The following PTDSS2 variants were observed in gnomAD, a reference collection of about 807,000 sequenced individuals.
PTDSS2 encodes the protein phosphatidylserine synthase 2, also known as PSS-2.
In PTDSS2, 41 loss-of-function variants were observed where a neutral mutation model predicts 64.7. That is an observed-to-expected ratio of 0.63 (90% CI 0.49 to 0.82). The LOEUF (loss-of-function observed/expected upper bound fraction) is 0.82, where lower values mean the gene tolerates loss of function less well. PTDSS2 is among the 40% of genes least tolerant of loss of function. The pLI, the probability that PTDSS2 is intolerant of heterozygous loss-of-function variation, is 0.00. For missense variants in PTDSS2, 485 were observed against 650.0 expected, an observed-to-expected ratio of 0.75 and a Z score of 2.76; for synonymous variants, 297 against 277.8, an observed-to-expected ratio of 1.07 and a Z score of -0.69.
intron 1 of PTDSS2, chr11:459,588 G>T (rs530568234): frequency 6.5e-6 from 1 of 153,190 alleles, no homozygotes; most frequent in Non-Finnish European, 1.5e-5. Context: ...TAGGCTGGTT[G>T]TGGGCTTTTC....
At position 460,243 on chromosome 11, in the gene PTDSS2, C is replaced by T. The variant is rs1215511415; in HGVS notation, c.239C>T (p.Thr80Met). 3.1e-6 allele frequency: 5 copies of T among 1,614,202 alleles called. No homozygotes were observed. Among genetic ancestry groups the T allele is most frequent in the Non-Finnish European group, 4.2e-6 (5 of 1,180,028 alleles). ...CTCACCTGTACGCTTGGCTATGTGA[C>T]GCTGCTGGAGGAAACACCTCAGGAC... ...FILTCTLGYV[T>M]LLEETPQDTA... Residue 80 changes from threonine (T) to methionine (M), a missense_variant, in exon 2 of 12, where the codon ACG becomes ATG. Physicochemically the swap from Thr to Met is moderately conservative, Grantham distance 81. Around this residue, in one of 3 missense-constraint regions of PTDSS2, gnomAD observed 251 missense variants for 348.0 expected, o/e 0.72. Coordinates refer to ENST00000308020, the MANE Select transcript of PTDSS2 (RefSeq NM_030783.3). The surrounding 1 kb of genome is among the most constrained non-coding windows in gnomAD (Gnocchi z 5.8).
chr11:470,030 C>G lies in PTDSS2; in HGVS notation c.285-3865C>G, dbSNP rs1268737794. On this transcript the variant is annotated intron_variant, in intron 2 of 11. Transcript: ENST00000308020. This position sits in a 1 kb window ranked among gnomAD's most constrained non-coding sequence, Gnocchi z 5.3. Reference sequence around the variant, plus strand: ...GAGTAAATAAACAGAGGGAACAAGACCAACCTTCCCTGCAGAAGGTTTTCA... The same window carrying G: ...GAGTAAATAAACAGAGGGAACAAGAGCAACCTTCCCTGCAGAAGGTTTTCA... Among the ~76,000 whole-genome samples the G allele has an allele frequency of 1.3e-5, 2 of 152,230 alleles. No individual in the cohort carries two copies. Among genetic ancestry groups the G allele is most frequent in the African/African-American group, 4.8e-5 (2 of 41,456 alleles).
At chr11:451,973 T>C (rs1225320275) in intron 1 of PTDSS2, among the ~76,000 whole-genome samples, 1 of 152,160 alleles carries the variant, frequency 6.6e-6, no homozygotes, top group Non-Finnish European at 1.5e-5. Flanking sequence ...TTCCGGGCCC[T>C]GTGGACATCA....
At chr11:488,679 G>A (rs771231523) in intron 8 of PTDSS2, 32 bp downstream of exon 8, 1 of 1,519,946 alleles carries the variant, frequency 6.6e-7, no homozygotes, top group Admixed American at 1.7e-5. Context: ...GGCAGGGCCG[G>A]GTGGGGGTTA....
chr11:489,863 AC>A lies in PTDSS2; in HGVS notation c.1116-15del. 6.4e-7 allele frequency: 1 copy of A among 1,564,698 alleles called. No homozygotes were observed. ...GACCCTGCGGGGCCCGGGACGCTGA[AC>A]CCCCTGCTGCCCCTGCAGGAAGCCC... is the stretch of plus-strand genomic sequence containing the variant. On this transcript the variant is annotated intron_variant, in intron 10 of 11. Transcript: ENST00000308020.
intron 2 of PTDSS2, among the ~76,000 whole-genome samples, chr11:465,536 C>T (rs1356084723): frequency 6.6e-6 from 1 of 152,168 alleles, no homozygotes; most frequent in African/African-American, 2.4e-5. Flanking sequence ...GGAGAAATCA[C>T]AGGAGAAAGT....
At chr11:467,621 G>A (rs544469989) in intron 2 of PTDSS2, among the ~76,000 whole-genome samples, 2 of 151,896 alleles carry the variant, frequency 1.3e-5, no homozygotes, top group Non-Finnish European at 2.9e-5. Context: ...GCCTGGCATG[G>A]TGGCAGGCAC....
intron 2 of PTDSS2, among the ~76,000 whole-genome samples, chr11:469,647 A>G (rs1480685740): frequency 1.3e-5 from 2 of 152,092 alleles, no homozygotes; most frequent in Non-Finnish European, 2.9e-5. Context: ...GCAGTGGTTA[A>G]TGGATACACA....
chr11:453,622 C>G (rs1432508581), intron 1 of PTDSS2, among the ~76,000 whole-genome samples: 1 of 152,246 alleles, frequency 6.6e-6, no homozygotes, highest in East Asian at 1.9e-4. Context: ...TTGCCTACAC[C>G]TGGGAGGCGC....
intron 4 of PTDSS2, among the ~76,000 whole-genome samples, chr11:481,530 A>G (rs536875186): frequency 1.3e-5 from 2 of 152,286 alleles, no homozygotes; most frequent in South Asian, 4.1e-4. Context: ...TCTTCCAACA[A>G]TGTGTTACAG....
chr11:466,556 C>T (rs1429462956), intron 2 of PTDSS2, among the ~76,000 whole-genome samples: 4 of 151,870 alleles, frequency 2.6e-5, no homozygotes, highest in South Asian at 4.2e-4. Context: ...TACAGGCATG[C>T]GCCACCTCGC....
chr11:484,822 G>A (rs1481308452), intron 4 of PTDSS2, among the ~76,000 whole-genome samples: 4 of 134,148 alleles, frequency 3.0e-5, no homozygotes, highest in Non-Finnish European at 4.8e-5. Context: ...TGTGCTCACC[G>A]TGTGCGCAGG....
At chr11:490,117 G>A in intron 11 of PTDSS2, 49 bp downstream of exon 11, 1 of 1,543,258 alleles carries the variant, frequency 6.5e-7, no homozygotes, top group Non-Finnish European at 8.8e-7. Context: ...CGCTGTCCGG[G>A]TCCCTTGGCA....
At chr11:449,347 C>T (rs1180090089), upstream of PTDSS2, among the ~76,000 whole-genome samples, 11 of 152,214 alleles carry the variant, frequency 7.2e-5, no homozygotes, top group Admixed American at 5.2e-4. Context: ...GGATGACAGG[C>T]GTGCGCCGCC....
intron 10 of PTDSS2, 37 bp from the exon 11 acceptor site, chr11:489,846 G>A (rs781685104): frequency 1.4e-5 from 21 of 1,550,706 alleles, no homozygotes; most frequent in South Asian, 8.3e-5. Context: ...AGGACCCTGC[G>A]GGGCCCGGGA....
At position 489,845 on chromosome 11, in the gene PTDSS2, C is replaced by T. The variant is rs200402114; in HGVS notation, c.1116-38C>T. ...GGGCAAGTCCGCCTGGAGGACCCTGCGGGGCCCGGGACGCTGAACCCCCTG... is the reference window on the plus strand; with the variant it reads ...GGGCAAGTCCGCCTGGAGGACCCTGTGGGGCCCGGGACGCTGAACCCCCTG... On this transcript the variant is annotated intron_variant, in intron 10 of 11. Coordinates refer to ENST00000308020, the MANE Select transcript of PTDSS2 (RefSeq NM_030783.3). 67 of 1,546,224 alleles carry T rather than the reference C, an allele frequency of 4.3e-5. No individual in the cohort carries two copies. The East Asian group carries it at 1.2e-3, about 27-fold the overall frequency.
intron 7 of PTDSS2, 69 bp downstream of exon 7, chr11:488,381 A>G (rs1003326999): frequency 9.1e-6 from 13 of 1,428,150 alleles, no homozygotes; most frequent in Non-Finnish European, 1.2e-5. Flanking sequence ...CCCTGTGCCC[A>G]GCGCGGCCCC....
At chr11:478,573 C>G (rs952481603) in intron 3 of PTDSS2, among the ~76,000 whole-genome samples, 3 of 152,026 alleles carry the variant, frequency 2.0e-5, no homozygotes, top group African/African-American at 7.2e-5. Flanking sequence ...ATGGTGAAAC[C>G]CTGTCCCGAC....
chr11:460,090 C>A lies in PTDSS2; in HGVS notation c.183-97C>A. 1.1e-6 allele frequency: 1 copy of A among 940,372 alleles called. No homozygotes were observed. Among genetic ancestry groups the A allele is most frequent in the Non-Finnish European group, 1.7e-6 (1 of 595,228 alleles). 58.3% of individuals were successfully genotyped at this position (940,372 alleles called of 1,614,324 possible). A position where few individuals can be genotyped will look rare whatever the true frequency, so the allele number is the denominator to read the frequency against. On this transcript the variant is annotated intron_variant, in intron 1 of 11. Coordinates refer to ENST00000308020, the MANE Select transcript of PTDSS2 (RefSeq NM_030783.3). The surrounding 1 kb of genome is among the most constrained non-coding windows in gnomAD (Gnocchi z 5.8). ...GGAGTTGGAGAGTGGAGTTTAAGCC[C>A]TCTCCTTGACGTAGAGAGGATTTGG...
Sources: allele counts gnomAD v4.1 joint callset (sites outside exome capture counted in the v4.1 genomes callset), GRCh38; gene constraint gnomAD v4.1.1; regional missense constraint gnomAD v4.1.1; non-coding constraint Gnocchi (gnomAD v3.1); transcripts MANE v1.5; gene names NCBI Gene and HGNC (gene_info 2026-07-23, HGNC 2026-07-21).